TMEM178B: variants seen among roughly 807,000 people sequenced by gnomAD.
TMEM178B encodes the protein transmembrane protein 178B.
A neutral mutation model predicts 31.0 loss-of-function variants in TMEM178B; 5 were observed. The ratio of observed to expected loss-of-function variants is 0.16; its 90% confidence interval spans 0.08 to 0.34. TMEM178B has a LOEUF of 0.34. Ranked by LOEUF, TMEM178B falls within the 10% of genes least tolerant of loss-of-function variation. The pLI is 1.00. For missense variants in TMEM178B, 275 were observed against 400.3 expected, an observed-to-expected ratio of 0.69 and a Z score of 2.67; for synonymous variants, 164 against 164.0, an observed-to-expected ratio of 1.00 and a Z score of 0.00.
At chr7:141,182,662 G>A (rs1385644187) in intron 1 of TMEM178B, among the ~76,000 whole-genome samples, 2 of 152,112 alleles carry the variant, frequency 1.3e-5, no homozygotes, top group Non-Finnish European at 2.9e-5. Context: ...ACCTTGAACT[G>A]TAGTAATCCC....
chr7:141,503,453 A>G, the TMEM178B span, among the ~76,000 whole-genome samples: 1 of 152,208 alleles, frequency 6.6e-6, no homozygotes, highest in African/African-American at 2.4e-5. Flanking sequence ...TAATGCATAC[A>G]CAGTGTTAGC....
intron 2 of TMEM178B, among the ~76,000 whole-genome samples, chr7:141,213,164 G>A (rs1379193304): frequency 6.6e-6 from 1 of 152,186 alleles, no homozygotes; most frequent in East Asian, 1.9e-4. Context: ...TTGCATCTGG[G>A]TGGGTCACTA....
intron 1 of TMEM178B, among the ~76,000 whole-genome samples, chr7:141,190,306 G>A (rs1475988899): frequency 6.6e-5 from 10 of 151,934 alleles, no homozygotes; most frequent in Admixed American, 6.6e-5. Flanking sequence ...TGGATATCTC[G>A]TGTAACTTTT....
chr7:141,409,916 G>A (rs899597504), intron 2 of TMEM178B, among the ~76,000 whole-genome samples: 12 of 152,002 alleles, frequency 7.9e-5, no homozygotes, highest in Admixed American at 6.6e-4. Context: ...TTCTTCCTTG[G>A]GTTTTGAGTT....
intron 3 of TMEM178B, among the ~76,000 whole-genome samples, chr7:141,467,540 T>C (rs1017851891): frequency 2.0e-5 from 3 of 152,004 alleles, no homozygotes; most frequent in African/African-American, 2.4e-5. Context: ...ACTTGCCCCT[T>C]CCCCCTGATG....
At chr7:141,482,464 C>G (rs536716463), downstream of TMEM178B, among the ~76,000 whole-genome samples, 1 of 152,190 alleles carries the variant, frequency 6.6e-6, no homozygotes, top group Non-Finnish European at 1.5e-5. Context: ...CTGACTTACT[C>G]ATCTTGGTAT....
chr7:141,156,299 AG>A (rs1234040706), intron 1 of TMEM178B, among the ~76,000 whole-genome samples: 2 of 152,274 alleles, frequency 1.3e-5, no homozygotes, highest in East Asian at 3.9e-4. Flanking sequence ...GGTCTTTTCC[AG>A]CCCTACTATG....
chr7:141,437,754 A>G lies in TMEM178B; in HGVS notation c.634+9A>G, dbSNP rs1727491. The G allele has an allele frequency of 0.78, 1,203,502 of 1,535,754 alleles. 473,283 individuals are homozygous for G. Among genetic ancestry groups the G allele is most frequent in the African/African-American group, 0.94 (68,580 of 73,124 alleles). ...GCTCTTCCTCATGGGAGGTAAGGCT[A>G]CGGGCTCGGCTTGTGGGTGGCAGTG... On this transcript the variant is annotated intron_variant, in intron 3 of 3. Transcript: ENST00000565468.
At chr7:141,207,331 G>T (rs1796982698) in intron 1 of TMEM178B, among the ~76,000 whole-genome samples, 1 of 152,182 alleles carries the variant, frequency 6.6e-6, no homozygotes, top group Non-Finnish European at 1.5e-5. Context: ...TAAGATTGCT[G>T]GATCATTCGT....
intron 2 of TMEM178B, among the ~76,000 whole-genome samples, chr7:141,236,139 C>T (rs972343340): frequency 6.6e-6 from 1 of 152,210 alleles, no homozygotes; most frequent in African/African-American, 2.4e-5. Context: ...GCCCCTTACC[C>T]CCACAGGTCC....
intron 2 of TMEM178B, among the ~76,000 whole-genome samples, chr7:141,409,751 A>G (rs991548556): frequency 2.0e-5 from 3 of 150,460 alleles, no homozygotes; most frequent in African/African-American, 7.3e-5. Context: ...TTTTAGAAGT[A>G]ATTTCATGGC....
chr7:141,247,970 G>C (rs748117616), intron 2 of TMEM178B, among the ~76,000 whole-genome samples: 1 of 151,854 alleles, frequency 6.6e-6, no homozygotes. Context: ...GCCCTGTCAT[G>C]TGTCCTCCCC....
At chr7:141,486,692 A>C in the TMEM178B span, among the ~76,000 whole-genome samples, 1 of 152,314 alleles carries the variant, frequency 6.6e-6, no homozygotes, top group East Asian at 1.9e-4. Context: ...ACTACTTATA[A>C]GTAGAATTGT....
Position 141,280,425 on chromosome 7 carries a change from G to A in TMEM178B, c.496+67721G>A, listed in dbSNP as rs548324051. Among the ~76,000 whole-genome samples, 7 of 152,226 alleles carry A rather than the reference G, an allele frequency of 4.6e-5. No homozygotes were observed. The East Asian group carries it at 1.4e-3, about 29-fold the overall frequency. ...TGGTTTCCCCCATACTGTTCTCGTG[G>A]TAGTGTATAAGTCTCATGAGATTTG... On this transcript the variant is annotated intron_variant, in intron 2 of 3. Transcript: ENST00000565468.
At chr7:141,498,041 C>A in the TMEM178B span, among the ~76,000 whole-genome samples, 2 of 152,164 alleles carry the variant, frequency 1.3e-5, no homozygotes, top group African/African-American at 4.8e-5. Context: ...TCTAAGCTAC[C>A]TTTTAAAGAC....
At chr7:141,101,039 C>T (rs1470412049) in intron 1 of TMEM178B, among the ~76,000 whole-genome samples, 2 of 152,158 alleles carry the variant, frequency 1.3e-5, no homozygotes, top group Non-Finnish European at 2.9e-5. Context: ...TACACCACTC[C>T]CTGGATCTTT....
intron 2 of TMEM178B, among the ~76,000 whole-genome samples, chr7:141,277,921 C>T (rs1013159749): frequency 6.6e-6 from 1 of 152,174 alleles, no homozygotes; most frequent in Non-Finnish European, 1.5e-5. Context: ...AAGTATACAA[C>T]ATTCCATCTC....
chr7:141,286,120 G>GA (rs199706034), intron 2 of TMEM178B, among the ~76,000 whole-genome samples: 3,320 of 149,058 alleles, frequency 0.022, 144 homozygotes, highest in East Asian at 0.14. Flanking sequence ...AAATTAAAAA[G>GA]AAAAAAAAAG....
intron 2 of TMEM178B, among the ~76,000 whole-genome samples, chr7:141,326,016 G>A (rs1799183410): frequency 6.6e-6 from 1 of 152,196 alleles, no homozygotes; most frequent in East Asian, 1.9e-4. Flanking sequence ...AATGTAGTCA[G>A]AAAGTTTATA....
Sources: gnomAD v4.1 joint callset for allele counts (sites outside exome capture counted in the v4.1 genomes callset) on GRCh38, gnomAD v4.1.1 for gene constraint, MANE v1.5 for transcripts, NCBI Gene and HGNC (gene_info 2026-07-23, HGNC 2026-07-21) for gene names.